The following CACNA1B variants were observed in gnomAD, a reference collection of about 807,000 sequenced individuals.
CACNA1B encodes the protein voltage-dependent N-type calcium channel subunit alpha-1B.
CACNA1B carries 70 observed loss-of-function variants against 247.2 expected under a neutral mutation model. That is an observed-to-expected ratio of 0.28 (90% CI 0.23 to 0.35). The LOEUF (loss-of-function observed/expected upper bound fraction) is 0.35. CACNA1B is among the 10% of genes least tolerant of loss of function. The pLI is 1.00. For synonymous variants in CACNA1B, 1,231 were observed against 1,294.4 expected (o/e 0.95, Z 1.05); for missense variants, 2,367 against 3,197.4 (o/e 0.74, Z 6.26).
Position 137,986,527 on chromosome 9 carries a change from G to A in CACNA1B, c.1884G>A (p.Met628Ile). Residue 628 changes from methionine to isoleucine, a missense_variant, in exon 14 of 47, where the codon ATG becomes ATA. Physicochemically the swap from Met to Ile is conservative, Grantham distance 10. Coordinates refer to ENST00000371372, the MANE Select transcript of CACNA1B (RefSeq NM_000718.4). This position sits in a 1 kb window ranked among gnomAD's most constrained non-coding sequence, Gnocchi z 6.0. ...TTGTGGTCTTCGCCCTGCTGGGGAT[G>A]CAGCTGTTTGGGGGACAGTAAGTGG... ...LFIVVFALLG[M>I]QLFGGQFNFQ... The A allele has an allele frequency of 6.2e-7, 1 of 1,613,902 alleles. No individual in the cohort carries two copies. The highest frequency in any genetic ancestry group is 8.5e-7 in the Non-Finnish European group (1 of 1,179,838).
intron 31 of CACNA1B, among the ~76,000 whole-genome samples, chr9:138,067,890 C>G (rs1959975686): frequency 6.6e-6 from 1 of 152,224 alleles, no homozygotes; most frequent in Non-Finnish European, 1.5e-5. Context: ...GTTCCTGGCA[C>G]CAGCGTTCTG....
At chr9:138,053,541 G>A (rs893316092) in intron 25 of CACNA1B, among the ~76,000 whole-genome samples, 3 of 151,976 alleles carry the variant, frequency 2.0e-5, no homozygotes, top group Non-Finnish European at 4.4e-5. Context: ...TCCTGCTTCC[G>A]GCCCCTCCCT....
Position 137,882,984 on chromosome 9 carries a change from C to A in CACNA1B, c.530+101C>A. ...AGCTGGGGCAGCTGCAGTCCCCTCA[C>A]TGGGGTCCCCTCACAGCCCTGCTGG... On this transcript the variant is annotated intron_variant, in intron 3 of 46. Coordinates refer to ENST00000371372, the MANE Select transcript of CACNA1B (RefSeq NM_000718.4). This position sits in a 1 kb window ranked among gnomAD's most constrained non-coding sequence, Gnocchi z 4.0. The A allele has an allele frequency of 3.1e-6, 4 of 1,295,296 alleles. No individual in the cohort carries two copies. Among genetic ancestry groups the A allele is most frequent in the South Asian group, 1.2e-5 (1 of 80,882 alleles). 80.2% of individuals were successfully genotyped at this position (1,295,296 alleles called of 1,614,324 possible). A position where few individuals can be genotyped will look rare whatever the true frequency, so the allele number is the denominator to read the frequency against.
intron 10 of CACNA1B, among the ~76,000 whole-genome samples, chr9:137,967,386 G>A (rs748963582): frequency 1.5e-4 from 23 of 152,062 alleles, no homozygotes; most frequent in Non-Finnish European, 2.2e-4. Context: ...ACTGTCGCCC[G>A]TCCCTTCAGA....
At chr9:138,076,881 C>T (rs1021337010) in intron 35 of CACNA1B, among the ~76,000 whole-genome samples, 1 of 152,226 alleles carries the variant, frequency 6.6e-6, no homozygotes, top group African/African-American at 2.4e-5. Context: ...CTGGAGAGAC[C>T]TCTTAGACTC....
chr9:137,985,807 G>T (rs1958352951), intron 13 of CACNA1B, among the ~76,000 whole-genome samples: 1 of 152,228 alleles, frequency 6.6e-6, no homozygotes, highest in Non-Finnish European at 1.5e-5. Flanking sequence ...TGCATGAGCA[G>T]GGCACGGTCA....
rs1356033810 is a variant in CACNA1B at position 138,122,218 on chromosome 9, T to G, written c.*219T>G. On this transcript the variant is annotated 3_prime_UTR_variant, in exon 47 of 47. Transcript: ENST00000371372. ...CTCTCTGTCCCCTTCCTGTCCTGCC[T>G]TCCTGGGTCTCGTACCACACACCAG... is the stretch of plus-strand genomic sequence containing the variant. 6.8e-6 allele frequency: 4 copies of G among 587,950 alleles called. No homozygotes were observed. The East Asian group carries it at 1.1e-4, about 16-fold the overall frequency. 36.4% of individuals were successfully genotyped at this position (587,950 alleles called of 1,614,324 possible). A position where few individuals can be genotyped will look rare whatever the true frequency, so the allele number is the denominator to read the frequency against.
intron 3 of CACNA1B, among the ~76,000 whole-genome samples, chr9:137,895,788 C>T (rs1957165301): frequency 6.6e-6 from 1 of 152,176 alleles, no homozygotes; most frequent in Admixed American, 6.5e-5. Flanking sequence ...AGAGGAACAG[C>T]TTTGTTTCTT....
At position 137,974,161 on chromosome 9, in the gene CACNA1B, G is replaced by C. The variant is rs1221779287; in HGVS notation, c.1544-1746G>C. 1.3e-5 allele frequency among the ~76,000 whole-genome samples: 2 copies of C among 152,154 alleles called. No homozygotes were observed. Among genetic ancestry groups the C allele is most frequent in the African/African-American group, 4.8e-5 (2 of 41,420 alleles). Reference sequence around the variant, plus strand: ...TGGGGTGCTCTGCACTGGACTGCAGGGGTCACGGCTTTCCTGCCACATCTC... The same window carrying C: ...TGGGGTGCTCTGCACTGGACTGCAGCGGTCACGGCTTTCCTGCCACATCTC... On this transcript the variant is annotated intron_variant, in intron 11 of 46. Coordinates refer to ENST00000371372, the MANE Select transcript of CACNA1B (RefSeq NM_000718.4). This position sits in a 1 kb window ranked among gnomAD's most constrained non-coding sequence, Gnocchi z 4.5.
chr9:137,913,059 G>A lies in CACNA1B; in HGVS notation c.531-121G>A, dbSNP rs967230294. 2.0e-5 allele frequency: 15 copies of A among 736,634 alleles called. No homozygotes were observed. In the African/African-American group the frequency reaches 2.6e-4, roughly 13 times the overall value. The allele number at this position is 736,634 out of a possible 1,614,324, so 45.6% of individuals were successfully genotyped here. The stretch of plus-strand genomic sequence containing the variant: ...GCTGGCCCTGTGGTTGGACAGTGGG[G>A]ACACAGGAATGAAGGTGTCACTGCT... On this transcript the variant is annotated intron_variant, in intron 3 of 46. Coordinates refer to ENST00000371372, the MANE Select transcript of CACNA1B (RefSeq NM_000718.4). The surrounding 1 kb of genome is among the most constrained non-coding windows in gnomAD (Gnocchi z 5.2).
Position 138,054,589 on chromosome 9 carries a change from T to C in CACNA1B, c.3968+583T>C, listed in dbSNP as rs1959424720. ...GTGTGAATATCATGCAGCTTCCTCC[T>C]GTGCCGTGTGACTGATGGGCACTTG... On this transcript the variant is annotated intron_variant, in intron 26 of 46. Transcript: ENST00000371372. The surrounding 1 kb of genome is among the most constrained non-coding windows in gnomAD (Gnocchi z 4.6). Among the ~76,000 whole-genome samples the C allele has an allele frequency of 6.6e-6, 1 of 152,368 alleles. No individual in the cohort carries two copies. The highest frequency in any genetic ancestry group is 2.4e-5 in the African/African-American group (1 of 41,586).
chr9:137,949,174 GTCCA>G (rs1589026846), intron 6 of CACNA1B, among the ~76,000 whole-genome samples: 3 of 1,282 alleles, frequency 2.3e-3, no homozygotes, highest in East Asian at 0.024. Flanking sequence ...GCGCTTGTGT[GTCCA>G]GTGTGTGTGT....
chr9:137,894,531 C>CT lies in CACNA1B; in HGVS notation c.530+11648_530+11649insT, dbSNP rs547519596. ...TCACGCCATTCTCCTGCCTCAGCCT[C>CT]CCGAGTAGCTGGGACTGCAGGCGCC... is the stretch of plus-strand genomic sequence containing the variant. On this transcript the variant is annotated intron_variant, in intron 3 of 46. Coordinates refer to ENST00000371372, the MANE Select transcript of CACNA1B (RefSeq NM_000718.4). 3.3e-4 allele frequency among the ~76,000 whole-genome samples: 50 copies of CT among 152,126 alleles called. No individual in the cohort carries two copies. In the East Asian group the frequency reaches 9.3e-3, roughly 28 times the overall value.
At chr9:137,932,569 A>C (rs567681936) in intron 6 of CACNA1B, among the ~76,000 whole-genome samples, 1 of 152,332 alleles carries the variant, frequency 6.6e-6, no homozygotes, top group South Asian at 2.1e-4. Context: ...GATCTTGGGA[A>C]GTATCTTGAG....
chr9:137,904,882 A>T (rs1957280596), intron 3 of CACNA1B, among the ~76,000 whole-genome samples: 1 of 152,154 alleles, frequency 6.6e-6, no homozygotes, highest in Non-Finnish European at 1.5e-5. Context: ...ATTAAATGAG[A>T]ATTATGGTGA....
intron 36 of CACNA1B, among the ~76,000 whole-genome samples, chr9:138,082,342 A>G (rs1960547939): frequency 1.3e-5 from 2 of 151,418 alleles, no homozygotes; most frequent in South Asian, 4.2e-4. Context: ...CAAGTTGTGC[A>G]GCCTCCTGAG....
At chr9:137,945,505 C>A (rs367894921) in intron 6 of CACNA1B, among the ~76,000 whole-genome samples, 1 of 152,234 alleles carries the variant, frequency 6.6e-6, no homozygotes, top group African/African-American at 2.4e-5. Context: ...CAGTGGCCCA[C>A]TATGAGTTTC....
At chr9:137,960,090 AG>A (rs2133349193) in intron 10 of CACNA1B, among the ~76,000 whole-genome samples, 2 of 120,910 alleles carry the variant, frequency 1.7e-5, no homozygotes, top group Middle Eastern at 6.4e-3. Context: ...GAGGGAAGCC[AG>A]GGGAGGGGAG....
At chr9:137,978,257 AC>A (rs765758745) in intron 12 of CACNA1B, among the ~76,000 whole-genome samples, 2 of 102,832 alleles carry the variant, frequency 1.9e-5, no homozygotes, top group East Asian at 6.4e-4. Flanking sequence ...TGGGAGCACT[AC>A]CCTCCCCCCC....
Sources: gnomAD v4.1 joint callset for allele counts (sites outside exome capture counted in the v4.1 genomes callset) on GRCh38, gnomAD v4.1.1 for gene constraint, Gnocchi (gnomAD v3.1) non-coding constraint, MANE v1.5 for transcripts, NCBI Gene and HGNC (gene_info 2026-07-23, HGNC 2026-07-21) for gene names.